Variants in ISYNA1 observed in about 807,000 individuals in gnomAD.
ISYNA1 encodes inositol-3-phosphate synthase 1, also known as MI-1-P synthase.
A neutral mutation model predicts 50.3 loss-of-function variants in ISYNA1; 34 were observed. The ratio of observed to expected loss-of-function variants is 0.68; its 90% CI spans 0.51 to 0.90. ISYNA1 has a LOEUF of 0.90. Ranked by LOEUF, ISYNA1 falls within the 40% of genes least tolerant of loss-of-function variation. The pLI is 0.00. For synonymous variants in ISYNA1, 396 were observed against 349.9 expected (o/e 1.13, Z -1.47); for missense variants, 718 against 784.8 (o/e 0.91, Z 1.02).
Position 18,435,265 on chromosome 19 carries a change from C to G in ISYNA1, c.1472+1G>C. 1 of 1,604,748 alleles carries G rather than the reference C, an allele frequency of 6.2e-7. No individual in the cohort carries two copies. Among genetic ancestry groups the G allele is most frequent in the Non-Finnish European group, 8.5e-7 (1 of 1,178,612 alleles). ...GCGGGAACCTGGAGGCTGGGGTGCA[C>G]CTGAGGATGTTCTCGATGCAGCTGC... On this transcript the variant is annotated splice_donor_variant, in intron 10 of 10. Coordinates refer to ENST00000338128, the MANE Select transcript of ISYNA1 (RefSeq NM_016368.5). LOFTEE classifies it high-confidence loss of function.
chr19:18,434,424 G>C lies in ISYNA1; in HGVS notation c.*489C>G. The C allele has an allele frequency of 1.6e-6, 2 of 1,214,836 alleles. No individual in the cohort carries two copies. The highest frequency in any genetic ancestry group is 2.2e-6 in the Non-Finnish European group (2 of 917,644). 75.3% of individuals were successfully genotyped at this position (1,214,836 alleles called of 1,614,324 possible). On this transcript the variant is annotated 3_prime_UTR_variant, in exon 11 of 11. Transcript: ENST00000338128. ...TTTTATTAAAAACGCAAGGACCTCAGAGACGTTCTTTTCTGTATGGACCCT... is the reference window on the plus strand; with the variant it reads ...TTTTATTAAAAACGCAAGGACCTCACAGACGTTCTTTTCTGTATGGACCCT...
In ISYNA1 at chr19:18,437,959, G is replaced by T. The variant is rs983100641; in HGVS notation, c.21C>A (p.Phe7Leu). The T allele has an allele frequency of 4.4e-6, 7 of 1,593,196 alleles. No individual in the cohort carries two copies. The East Asian group carries it at 1.4e-4, about 31-fold the overall frequency. The change falls in exon 2 of 11, where the codon TTC becomes TTA. Residue 7 changes from phenylalanine (F) to leucine (L), a missense_variant. Transcript: ENST00000338128. ...AGACCACGTCCGGGCTCTCGACGAA[G>T]AACTGGGCGGCGGCCTCCATCGCGG... MEAAAQ[F>L]FVESPDVVYG...
In ISYNA1 at chr19:18,435,124, A is replaced by C; in HGVS notation, c.1473-7T>G. 6.2e-7 allele frequency: 1 copy of C among 1,612,658 alleles called. No individual in the cohort carries two copies. Among genetic ancestry groups the C allele is most frequent in the Middle Eastern group, 1.7e-4 (1 of 6,056 alleles). ...CGGGAGCCCCACGCAGGCCCTGGAG[A>C]GGTCACACAGCTTAGCAGAGCCAGA... On this transcript the variant is annotated splice_region_variant and splice_polypyrimidine_tract_variant and intron_variant, in intron 10 of 10. Transcript: ENST00000338128.
At chr19:18,436,916 G>A (rs1205349117) in intron 4 of ISYNA1, 39 bp from the exon 5 acceptor site, 2 of 1,598,024 alleles carry the variant, frequency 1.3e-6, no homozygotes, top group African/African-American at 1.3e-5. Context: ...CCGGATCCTG[G>A]GCCCCTCCAG....
At position 18,436,837 on chromosome 19, in the gene ISYNA1, C is replaced by G. The variant is rs745849041; in HGVS notation, c.456G>C (p.Arg152=). Residue 152 remains arginine (R), a synonymous_variant, in exon 5 of 11, where the codon CGG becomes CGC. Transcript: ENST00000338128. ...GCCCCCAGTCCAGCACCTTCGCGCG[C>G]CGCATCGCCTCGGCCAGGTTCAGCG... ...ISSLNLAEAM[R]RAKVLDWGLQ... is the part of the protein sequence containing the mutation. 1 of 1,596,410 alleles carries G rather than the reference C, an allele frequency of 6.3e-7. No individual in the cohort carries two copies. Among genetic ancestry groups the G allele is most frequent in the East Asian group, 2.2e-5 (1 of 44,742 alleles).
chr19:18,436,938 C>T, intron 4 of ISYNA1, 35 bp downstream of exon 4: 1 of 1,594,360 alleles, frequency 6.3e-7, no homozygotes, highest in Non-Finnish European at 8.6e-7. Context: ...CCCCATCTCC[C>T]ATCCCGCCCC....
chr19:18,438,126 C>G lies in ISYNA1; in HGVS notation c.-43G>C, dbSNP rs1053079677. 5 of 865,546 alleles carry G rather than the reference C, an allele frequency of 5.8e-6. No homozygotes were observed. The highest frequency in any genetic ancestry group is 3.6e-5 in the African/African-American group (2 of 55,260). The allele number at this position is 865,546 out of a possible 1,614,324, so 53.6% of individuals were successfully genotyped here. A position where few individuals can be genotyped will look rare whatever the true frequency, so the allele number is the denominator to read the frequency against. On this transcript the variant is annotated 5_prime_UTR_variant, in exon 1 of 11. Coordinates refer to ENST00000338128, the MANE Select transcript of ISYNA1 (RefSeq NM_016368.5). ...AGTCGACTCAGGCAGCGGCGGCGGA[C>G]AGCGCGGGCTCTCGGGCGCGCGACC...
At position 18,437,767 on chromosome 19, in the gene ISYNA1, A is replaced by T; in HGVS notation, c.121-7T>A. The stretch of plus-strand genomic sequence containing the variant: ...GCGTGGACGTGGGGTGCACCTGAAG[A>T]CAGGCCGCGCAGTGAATCCCGGGTC... On this transcript the variant is annotated splice_polypyrimidine_tract_variant and splice_region_variant and intron_variant, in intron 2 of 10. Transcript: ENST00000338128. 2 of 1,587,456 alleles carry T rather than the reference A, an allele frequency of 1.3e-6. No homozygotes were observed. Among genetic ancestry groups the T allele is most frequent in the Admixed American group, 3.5e-5 (2 of 56,962 alleles).
At position 18,436,390 on chromosome 19, in the gene ISYNA1, G is replaced by A; in HGVS notation, c.699C>T (p.Arg233=). 3 of 1,612,340 alleles carry A rather than the reference G, an allele frequency of 1.9e-6. No homozygotes were observed. Among genetic ancestry groups the A allele is most frequent in the Non-Finnish European group, 2.5e-6 (3 of 1,179,916 alleles). ...TGAGGCCTGGAATCACCTCACAGAA[G>A]CGCTCCGTGTTCGCCGTCCACAGCA... is the stretch of plus-strand genomic sequence containing the variant. ...VIVLWTANTE[R]FCEVIPGLND... The change falls in exon 6 of 11, where the codon CGC becomes CGT. Residue 233 remains arginine, a synonymous_variant. Transcript: ENST00000338128.
Position 18,435,262 on chromosome 19 carries a change from G to C in ISYNA1, c.1472+4C>G. The C allele has an allele frequency of 6.2e-7, 1 of 1,603,142 alleles. No homozygotes were observed. The highest frequency in any genetic ancestry group is 2.2e-5 in the East Asian group (1 of 44,804). The stretch of plus-strand genomic sequence containing the variant: ...CGGGCGGGAACCTGGAGGCTGGGGT[G>C]CACCTGAGGATGTTCTCGATGCAGC... On this transcript the variant is annotated splice_donor_region_variant and intron_variant, in intron 10 of 10. Transcript: ENST00000338128.
chr19:18,434,839 T>G lies in ISYNA1; in HGVS notation c.*74A>C. The G allele has an allele frequency of 2.3e-6, 3 of 1,281,326 alleles. No individual in the cohort carries two copies. The highest frequency in any genetic ancestry group is 3.4e-6 in the Non-Finnish European group (3 of 887,606). The allele number at this position is 1,281,326 out of a possible 1,614,324, so 79.4% of individuals were successfully genotyped here. On this transcript the variant is annotated 3_prime_UTR_variant, in exon 11 of 11. Coordinates refer to ENST00000338128, the MANE Select transcript of ISYNA1 (RefSeq NM_016368.5). ...GGAGGGCTGAGTGGCAGCGCCTTTA[T>G]TTGTGGGGGCCTTCAAGGTAGGGTC...
At chr19:18,437,506 G>GGGC in intron 3 of ISYNA1, 93 bp downstream of exon 3, 2 of 779,028 alleles carry the variant, frequency 2.6e-6, no homozygotes, top group Non-Finnish European at 3.4e-6. Flanking sequence ...AGCCCCCCTG[G>GGGC]TCCCGCAGAG....
intron 3 of ISYNA1, chr19:18,437,393 CAG>C (rs1974103740): frequency 8.4e-7 from 1 of 1,194,756 alleles, no homozygotes; most frequent in Non-Finnish European, 1.1e-6. Flanking sequence ...TCCCGCCCCA[CAG>C]AGCTTCGCCC....
chr19:18,436,650 G>A, intron 5 of ISYNA1, 34 bp downstream of exon 5: 1 of 1,584,380 alleles, frequency 6.3e-7, no homozygotes, highest in Non-Finnish European at 8.6e-7. Flanking sequence ...AAGAACAGGT[G>A]GCAGGAAGCA....
Position 18,436,325 on chromosome 19 carries a change from C to G in ISYNA1, c.759+5G>C. The stretch of plus-strand genomic sequence containing the variant: ...CTGACCCGCTCCACCCGGGCGTTCG[C>G]CCACCTCAATGGTGCGCAGCAGGTT... On this transcript the variant is annotated splice_donor_5th_base_variant and intron_variant, in intron 6 of 10. Coordinates refer to ENST00000338128, the MANE Select transcript of ISYNA1 (RefSeq NM_016368.5). The G allele has an allele frequency of 6.2e-7, 1 of 1,611,488 alleles. No individual in the cohort carries two copies. The highest frequency in any genetic ancestry group is 8.5e-7 in the Non-Finnish European group (1 of 1,179,876).
intron 10 of ISYNA1, 74 bp downstream of exon 10, chr19:18,435,192 C>A: frequency 1.3e-6 from 2 of 1,595,790 alleles, no homozygotes; most frequent in Non-Finnish European, 1.7e-6. Flanking sequence ...CACCTACAGC[C>A]CCCCAAGCCC....
Position 18,434,730 on chromosome 19 carries a change from A to T in ISYNA1, c.*183T>A, listed in dbSNP as rs2385088. ...GGGGTGATGACCATGGGCAGAGGGG[A>T]TGGGACTGAAGCTGGGCGCTCAAGA... is the stretch of plus-strand genomic sequence containing the variant. On this transcript the variant is annotated 3_prime_UTR_variant, in exon 11 of 11. Coordinates refer to ENST00000338128, the MANE Select transcript of ISYNA1 (RefSeq NM_016368.5). The T allele has an allele frequency of 1.8e-5, 11 of 607,020 alleles. No individual in the cohort carries two copies. Among genetic ancestry groups the T allele is most frequent in the Admixed American group, 8.6e-5 (3 of 34,714 alleles). 37.6% of individuals were successfully genotyped at this position (607,020 alleles called of 1,614,324 possible).
At position 18,434,637 on chromosome 19, in the gene ISYNA1, C is replaced by T; in HGVS notation, c.*276G>A. 1.8e-6 allele frequency: 1 copy of T among 568,084 alleles called. No individual in the cohort carries two copies. Among genetic ancestry groups the T allele is most frequent in the Non-Finnish European group, 3.1e-6 (1 of 318,332 alleles). 35.2% of individuals were successfully genotyped at this position (568,084 alleles called of 1,614,324 possible). A position where few individuals can be genotyped will look rare whatever the true frequency, so the allele number is the denominator to read the frequency against. ...TGTGGTCTTGTTCCGTCCCCGCCCC[C>T]ATCTAGCCCCACCTTTGAGAACTGG... On this transcript the variant is annotated 3_prime_UTR_variant, in exon 11 of 11. Coordinates refer to ENST00000338128, the MANE Select transcript of ISYNA1 (RefSeq NM_016368.5).
chr19:18,436,451 T>G lies in ISYNA1; in HGVS notation c.638A>C (p.Asp213Ala). 6.2e-7 allele frequency: 1 copy of G among 1,607,542 alleles called. No individual in the cohort carries two copies. The highest frequency in any genetic ancestry group is 8.5e-7 in the Non-Finnish European group (1 of 1,179,836). ...GTCCAGCCCCGCGCTAGACCGGAAGTCTCGGATGTCCCTGCGGATCTGCTC... is the reference window on the plus strand; with the variant it reads ...GTCCAGCCCCGCGCTAGACCGGAAGGCTCGGATGTCCCTGCGGATCTGCTC... ...QLEQIRRDIR[D>A]FRSSAGLDKV... Residue 213 changes from aspartate (D) to alanine (A), a missense_variant, in exon 6 of 11, where the codon GAC (aspartate) becomes GCC (alanine). Transcript: ENST00000338128.
Sources: gnomAD v4.1 joint callset for allele counts on GRCh38, gnomAD v4.1.1 for gene constraint, MANE v1.5 for transcripts, NCBI Gene and HGNC (gene_info 2026-07-23, HGNC 2026-07-21) for gene names.